IFT140: variants seen among roughly 807,000 people sequenced by gnomAD.
IFT140 encodes intraflagellar transport 140, also known as intraflagellar transport protein 140 homolog.
In IFT140, 133 loss-of-function variants were observed where a neutral mutation model predicts 164.6. The ratio of observed to expected loss-of-function variants is 0.81; its 90% CI spans 0.70 to 0.93. The LOEUF is 0.93. IFT140 is among the 40% of genes least tolerant of loss of function. The probability of loss-of-function intolerance (pLI) is 0.00; values close to 1 mark genes in which losing one functional copy is unlikely to be tolerated. For missense variants in IFT140, 2,045 were observed against 1,972.3 expected (o/e 1.04, Z -0.70); for synonymous variants, 860 against 817.3 (o/e 1.05, Z -0.89).
At position 1,558,028 on chromosome 16, in the gene IFT140, T is replaced by A; in HGVS notation, c.2306A>T (p.Asp769Val). ...LRDFVGLEDCDKATRDAMLHF... is the reference protein window; with the variant it reads ...LRDFVGLEDCVKATRDAMLHF... ...GAGCATGGCGTCCCGGGTGGCCTTGTCGCAGTCCTCCAGCCCCACAAAGTC... is the reference window on the plus strand; with the variant it reads ...GAGCATGGCGTCCCGGGTGGCCTTGACGCAGTCCTCCAGCCCCACAAAGTC... The change falls in exon 19 of 31, where the codon GAC (aspartate) becomes GTC (valine). Residue 769 changes from aspartate (D) to valine (V), a missense_variant. Asp to Val is a radical substitution (Grantham distance 152, BLOSUM62 -3). Transcript: ENST00000426508. 2 of 1,614,014 alleles carry A rather than the reference T, an allele frequency of 1.2e-6. No individual in the cohort carries two copies. Among genetic ancestry groups the A allele is most frequent in the African/African-American group, 2.7e-5 (2 of 75,056 alleles).
At position 1,580,891 on chromosome 16, in the gene IFT140, C is replaced by T. The variant is rs145009764; in HGVS notation, c.1433-41G>A. 4.3e-3 allele frequency: 5,889 copies of T among 1,376,304 alleles called. 22 individuals carry two copies. The highest frequency in any genetic ancestry group is 5.6e-3 in the Non-Finnish European group (5,416 of 965,302). The allele number at this position is 1,376,304 out of a possible 1,614,324, so 85.3% of individuals were successfully genotyped here. ...AACATCAGGATGGCGGCCGCTCATC[C>T]GCCAGACTTGCTGGGAGTTTCAGGA... On this transcript the variant is annotated intron_variant, in intron 12 of 30. Transcript: ENST00000426508.
rs539647119 is a variant in IFT140, at chr16:1,522,569, G to A, written c.3453+949C>T. Among the ~76,000 whole-genome samples the A allele has an allele frequency of 3.3e-5, 5 of 152,106 alleles. No homozygotes were observed. The East Asian group carries it at 9.8e-4, about 30-fold the overall frequency. On this transcript the variant is annotated intron_variant, in intron 26 of 30. Transcript: ENST00000426508. The stretch of plus-strand genomic sequence containing the variant: ...AAAAGAGAATATGTCGGCCAAGCAT[G>A]GTGGCTCACGCCTGTAATCCCAGCA...
rs1212306994 is a variant in IFT140, at chr16:1,524,913, G to T, written c.2868C>A (p.Thr956=). The part of the protein sequence containing the change: ...ELYVNKMKDK[T]LWRWWAQYLE... ...GGTACTGCGCCCACCACCGCCACAG[G>T]GTCCTGCGGGCAGCCCAAGACCATG... The change falls in exon 23 of 31, where the codon ACC becomes ACA. Residue 956 remains threonine (T), a synonymous_variant. Coordinates refer to ENST00000426508, the MANE Select transcript of IFT140 (RefSeq NM_014714.4). The T allele has an allele frequency of 6.2e-7, 1 of 1,605,164 alleles. No homozygotes were observed. Among genetic ancestry groups the T allele is most frequent in the Non-Finnish European group, 8.5e-7 (1 of 1,176,636 alleles).
chr16:1,541,297 G>T (rs984094474), intron 19 of IFT140: 3 of 985,272 alleles, frequency 3.0e-6, no homozygotes, highest in African/African-American at 1.7e-5. Flanking sequence ...GCAGGTGGGG[G>T]GCACTGGTTC....
rs752356018 is a variant in IFT140, at chr16:1,568,274, G to GC, written c.1712dup (p.Ile572HisfsTer21). 6.2e-7 allele frequency: 1 copy of GC among 1,613,436 alleles called. No homozygotes were observed. The highest frequency in any genetic ancestry group is 8.5e-7 in the Non-Finnish European group (1 of 1,179,908). On this transcript the variant is annotated frameshift_variant, in exon 15 of 31. Coordinates refer to ENST00000426508, the MANE Select transcript of IFT140 (RefSeq NM_014714.4). LOFTEE classifies it high-confidence loss of function. ...TGCTGCTGCACCGCAGAGAAGCGATGCCCCCCACCCCAGGGACCAGCTCCG... is the reference window on the plus strand; with the variant it reads ...TGCTGCTGCACCGCAGAGAAGCGATGCCCCCCCACCCCAGGGACCAGCTCCG...
rs1409919418 is a variant in IFT140, at chr16:1,551,034, G to C, written c.2399+6901C>G. ...TCTGGCCAAAGGGCTCTGTCCCTTT[G>C]AGGGGTCCTGGTCACTCAACTGCCA... On this transcript the variant is annotated intron_variant, in intron 19 of 30. Coordinates refer to ENST00000426508, the MANE Select transcript of IFT140 (RefSeq NM_014714.4). This position sits in a 1 kb window ranked among gnomAD's most constrained non-coding sequence, Gnocchi z 4.0. Among the ~76,000 whole-genome samples the C allele has an allele frequency of 2.6e-5, 4 of 152,214 alleles. No individual in the cohort carries two copies. Among genetic ancestry groups the C allele is most frequent in the African/African-American group, 9.6e-5 (4 of 41,456 alleles).
intron 4 of IFT140, among the ~76,000 whole-genome samples, chr16:1,594,625 G>A (rs914857026): frequency 3.9e-5 from 6 of 152,210 alleles, no homozygotes; most frequent in African/African-American, 1.4e-4. Context: ...TGCTTGGTGC[G>A]CTGCGTGCTC....
chr16:1,520,451 TAG>T, intron 27 of IFT140, 108 bp from the exon 28 acceptor site: 1 of 1,357,960 alleles, frequency 7.4e-7, no homozygotes, highest in Non-Finnish European at 1.0e-6. Context: ...GGCTGCCCGG[TAG>T]AGAGAGATCT....
At chr16:1,569,174 T>A (rs925765612) in intron 14 of IFT140, among the ~76,000 whole-genome samples, 3 of 151,828 alleles carry the variant, frequency 2.0e-5, no homozygotes, top group Non-Finnish European at 2.9e-5. Context: ...CCGGCTAATT[T>A]ATTTTTGTAT....
intron 19 of IFT140, chr16:1,534,495 G>T: frequency 6.2e-7 from 1 of 1,609,582 alleles, no homozygotes. Flanking sequence ...ACATGACTGT[G>T]AGGCGCTGGG....
intron 30 of IFT140, among the ~76,000 whole-genome samples, chr16:1,513,883 C>T (rs1245905725): frequency 7.0e-6 from 1 of 142,426 alleles, no homozygotes; most frequent in East Asian, 2.4e-4. Flanking sequence ...CCGTGTTAGC[C>T]AAGATGGTCT....
At chr16:1,543,011 G>A (rs927340406) in intron 19 of IFT140, among the ~76,000 whole-genome samples, 5 of 152,240 alleles carry the variant, frequency 3.3e-5, no homozygotes, top group South Asian at 2.1e-4. Flanking sequence ...GCGACCCCAG[G>A]GGGCTCTGCT....
rs1024584264 is a variant in IFT140 at position 1,573,374 on chromosome 16, C to G, written c.1525-1840G>C. ...GCTGGGTCCCGGGTTCAGATCTGAG[C>G]TCAACTCTTTTACATTCTTTAACAT... On this transcript the variant is annotated intron_variant, in intron 13 of 30. Transcript: ENST00000426508. 2.6e-5 allele frequency among the ~76,000 whole-genome samples: 4 copies of G among 151,920 alleles called. No homozygotes were observed. The East Asian group carries it at 7.7e-4, about 29-fold the overall frequency.
At chr16:1,563,064 C>T (rs950625512) in intron 17 of IFT140, among the ~76,000 whole-genome samples, 10 of 152,054 alleles carry the variant, frequency 6.6e-5, no homozygotes, top group African/African-American at 2.2e-4. Flanking sequence ...TGCCAGGAGA[C>T]GGCCCTACCT....
At chr16:1,541,287 G>A (rs1396796467) in intron 19 of IFT140, 1 of 985,040 alleles carries the variant, frequency 1.0e-6, no homozygotes, top group Non-Finnish European at 1.2e-6. Context: ...GGTGAGGGGG[G>A]CAGGTGGGGG....
chr16:1,575,875 A>G (rs2034250190), intron 13 of IFT140, among the ~76,000 whole-genome samples: 1 of 152,146 alleles, frequency 6.6e-6, no homozygotes, highest in Non-Finnish European at 1.5e-5. Flanking sequence ...CTCTCCCTGC[A>G]GGCCACTGGT....
At chr16:1,541,080 C>A (rs1201612619) in intron 19 of IFT140, 1 of 985,352 alleles carries the variant, frequency 1.0e-6, no homozygotes. Flanking sequence ...ACGCACCTCC[C>A]TCTGAAGTTC....
At chr16:1,586,059 C>T in intron 10 of IFT140, 71 bp downstream of exon 10, 1 of 1,585,930 alleles carries the variant, frequency 6.3e-7, no homozygotes. Flanking sequence ...GCGTGAGCCA[C>T]CGCGCCCGGC....
intron 6 of IFT140, among the ~76,000 whole-genome samples, chr16:1,590,014 T>C (rs2035092204): frequency 6.6e-6 from 1 of 151,960 alleles, no homozygotes; most frequent in African/African-American, 2.4e-5. Context: ...CTGGCCAACG[T>C]AGTGAAATCC....
Sources: gnomAD v4.1 joint callset for allele counts (sites outside exome capture counted in the v4.1 genomes callset) on GRCh38, gnomAD v4.1.1 for gene constraint, Gnocchi (gnomAD v3.1) non-coding constraint, MANE v1.5 for transcripts, NCBI Gene and HGNC (gene_info 2026-07-23, HGNC 2026-07-21) for gene names.